Variants in PNCK observed in about 807,000 individuals in gnomAD.
The protein encoded by PNCK is calcium/calmodulin-dependent protein kinase type 1B.
In PNCK, 21 loss-of-function variants were observed where a neutral mutation model predicts 28.3. The ratio of observed to expected loss-of-function variants is 0.74; its 90% CI spans 0.53 to 1.07. The LOEUF (loss-of-function observed/expected upper bound fraction) is 1.07. Among genes scored for constraint, PNCK ranks in the 50% least tolerant of loss-of-function variants. The probability of loss-of-function intolerance (pLI) is 0.00; values close to 1 mark genes in which losing one functional copy is unlikely to be tolerated. For synonymous variants in PNCK, 136 were observed against 125.2 expected (o/e 1.09, Z -0.58); for missense variants, 250 against 298.3 (o/e 0.84, Z 1.19).
chrX:153,681,692 C>G (rs2091396175), intron 1 of PNCK, among the ~76,000 whole-genome samples: 1 of 112,266 alleles, frequency 8.9e-6, no homozygotes, highest in African/African-American at 3.2e-5. Context: ...GCTTTAGATA[C>G]TAACAGTGTT....
At position 153,673,018 on chromosome X, in the gene PNCK, C is replaced by T. The variant is rs782381672; in HGVS notation, c.59G>A (p.Arg20Lys). Residue 20 changes from arginine to lysine, a missense_variant, in exon 2 of 12, where the codon AGG becomes AAG. Transcript: ENST00000340888. The part of the protein sequence containing the change: ...DISSVYEIRE[R>K]LGSGAFSEVV... ...GCGCGCGCACACTCACGAGCCGAGC[C>T]TCTCGCGGATCTCGTAGACGCTGCT... is the stretch of plus-strand genomic sequence containing the variant. The T allele has an allele frequency of 8.4e-7, 1 of 1,191,287 alleles. No homozygotes were observed. Among genetic ancestry groups the T allele is most frequent in the South Asian group, 1.8e-5 (1 of 54,581 alleles).
intron 5 of PNCK, 37 bp downstream of exon 5, chrX:153,671,843 G>C (rs372003559): frequency 1.6e-5 from 19 of 1,198,001 alleles, no homozygotes; most frequent in Non-Finnish European, 2.1e-5. Context: ...CAGGTGGGCA[G>C]GTGGGAGGGT....
upstream of PNCK, among the ~76,000 whole-genome samples, chrX:153,675,514 GGT>G (rs1491305871): frequency 5.6e-5 from 6 of 107,870 alleles, no homozygotes; most frequent in African/African-American, 2.2e-4. Context: ...TGTATCATGG[GGT>G]TTTTTTTGGT....
At chrX:153,676,601 T>C (rs1330798186), upstream of PNCK, among the ~76,000 whole-genome samples, 4 of 111,961 alleles carry the variant, frequency 3.6e-5, no homozygotes, top group African/African-American at 1.3e-4. Flanking sequence ...TGGTGGCTCA[T>C]GCCTGTAATC....
At chrX:153,680,995 C>T (rs951018521) in intron 1 of PNCK, among the ~76,000 whole-genome samples, 2 of 100,634 alleles carry the variant, frequency 2.0e-5, no homozygotes, top group Non-Finnish European at 4.0e-5. Flanking sequence ...CACAACTGTC[C>T]GCCCGCCTGG....
At chrX:153,679,366 G>A (rs1289789678), upstream of PNCK, among the ~76,000 whole-genome samples, 2 of 108,179 alleles carry the variant, frequency 1.8e-5, no homozygotes, top group African/African-American at 6.7e-5. Context: ...TTGGATTTTG[G>A]CTATCTAGTA....
upstream of PNCK, among the ~76,000 whole-genome samples, chrX:153,675,515 G>T (rs1355405560): frequency 9.1e-6 from 1 of 110,187 alleles, no homozygotes; most frequent in African/African-American, 3.3e-5. Context: ...GTATCATGGG[G>T]TTTTTTTTGG....
At chrX:153,685,162 C>T (rs1431190253) in intron 1 of PNCK, among the ~76,000 whole-genome samples, 1 of 107,861 alleles carries the variant, frequency 9.3e-6, no homozygotes, top group Non-Finnish European at 1.9e-5. Context: ...AGCTACCCGG[C>T]CCTCAGCTGG....
At chrX:153,681,177 G>A (rs1450403393) in intron 1 of PNCK, among the ~76,000 whole-genome samples, 3 of 112,020 alleles carry the variant, frequency 2.7e-5, no homozygotes, top group Non-Finnish European at 3.8e-5. Context: ...AGTCCATACC[G>A]TTATAAATAA....
upstream of PNCK, chrX:153,674,007 G>A: frequency 8.5e-7 from 1 of 1,177,055 alleles, no homozygotes; most frequent in South Asian, 1.9e-5. Flanking sequence ...GCCGCCTCCC[G>A]GAGCTGCGGC....
chrX:153,674,197 A>G, upstream of PNCK: 1 of 1,181,950 alleles, frequency 8.5e-7, no homozygotes, highest in Non-Finnish European at 1.1e-6. Context: ...GGACCCTGCA[A>G]CCCTGCACCA....
chrX:153,677,586 GTATA>G (rs781789549), upstream of PNCK, among the ~76,000 whole-genome samples: 72 of 98,379 alleles, frequency 7.3e-4, no homozygotes, highest in African/African-American at 2.6e-3. Flanking sequence ...TATATATAGT[GTATA>G]TATATATATA....
intron 4 of PNCK, 21 bp from the exon 5 acceptor site, chrX:153,672,039 G>A (rs782615264): frequency 5.8e-6 from 7 of 1,206,701 alleles, no homozygotes; most frequent in Non-Finnish European, 7.8e-6. Flanking sequence ...CAGGGGTTTG[G>A]CTGACCCAGG....
At chrX:153,684,368 C>G (rs540407376) in intron 1 of PNCK, among the ~76,000 whole-genome samples, 3 of 112,470 alleles carry the variant, frequency 2.7e-5, no homozygotes, top group African/African-American at 9.7e-5. Context: ...ATGTAAAAAA[C>G]AAAGCAAAGC....
At chrX:153,684,074 T>A (rs782722824) in intron 1 of PNCK, among the ~76,000 whole-genome samples, 7 of 112,063 alleles carry the variant, frequency 6.2e-5, no homozygotes, top group Non-Finnish European at 1.3e-4. Context: ...ACAAAGGCGG[T>A]TTCATCTTGG....
chrX:153,674,769 G>A (rs1557041291), upstream of PNCK: 2 of 112,203 alleles, frequency 1.8e-5, no homozygotes, highest in East Asian at 2.8e-4. Flanking sequence ...GACCCCCCTC[G>A]CTGCTCGCCA....
At chrX:153,673,438 C>G in intron 1 of PNCK, 1 of 584,512 alleles carries the variant, frequency 1.7e-6, no homozygotes, top group Non-Finnish European at 2.5e-6. Flanking sequence ...CAAGCCCCCA[C>G]CCCCGCCTAG....
In PNCK at chrX:153,672,999, G is replaced by T. The variant is rs782237463; in HGVS notation, c.68+10C>A. 1.1e-5 allele frequency: 13 copies of T among 1,170,057 alleles called. No homozygotes were observed. The highest frequency in any genetic ancestry group is 1.5e-5 in the Non-Finnish European group (13 of 873,592). On this transcript the variant is annotated intron_variant, in intron 2 of 11. Coordinates refer to ENST00000340888, the MANE Select transcript of PNCK (RefSeq NM_001366977.1). ...CACACACACGATCACACACGCGCGC[G>T]CACACTCACGAGCCGAGCCTCTCGC...
intron 3 of PNCK, 147 bp from the exon 4 acceptor site, chrX:153,672,347 G>A: frequency 2.4e-6 from 2 of 834,570 alleles, no homozygotes; most frequent in Non-Finnish European, 3.3e-6. Flanking sequence ...GTCCAGGAAG[G>A]CAGAGCTCCA....
Sources: allele counts gnomAD v4.1 joint callset (sites outside exome capture counted in the v4.1 genomes callset), GRCh38; gene constraint gnomAD v4.1.1; transcripts MANE v1.5; gene names NCBI Gene and HGNC (gene_info 2026-07-23, HGNC 2026-07-21).